The following RBMS2 variants were observed in gnomAD, a reference collection of about 807,000 sequenced individuals.
RBMS2 encodes the protein RNA binding motif single stranded interacting protein 2, also known as RNA-binding motif, single-stranded-interacting protein 2.
RBMS2 carries 38 observed loss-of-function variants against 58.4 expected under a neutral mutation model. The ratio of observed to expected loss-of-function variants is 0.65; its 90% CI spans 0.50 to 0.85. RBMS2 has a LOEUF of 0.85. Among genes scored for constraint, RBMS2 ranks in the 40% least tolerant of loss-of-function variants. The pLI, the probability that RBMS2 is intolerant of heterozygous loss-of-function variation, is 0.00. For missense variants in RBMS2, 367 were observed against 503.7 expected (o/e 0.73, Z 2.60); for synonymous variants, 151 against 180.7 (o/e 0.84, Z 1.32).
chr12:56,579,120 A>G (rs1883547069), intron 5 of RBMS2, among the ~76,000 whole-genome samples: 1 of 152,172 alleles, frequency 6.6e-6, no homozygotes, highest in South Asian at 2.1e-4. Context: ...AGCTATTGTA[A>G]GAGGGGACTT....
chr12:56,559,241 A>G (rs1415740079), intron 1 of RBMS2, among the ~76,000 whole-genome samples: 5 of 151,792 alleles, frequency 3.3e-5, no homozygotes, highest in Admixed American at 1.3e-4. Context: ...GTGCAGTGGC[A>G]CAATCTCGGC....
At chr12:56,557,096 G>A (rs1045461459) in intron 1 of RBMS2, among the ~76,000 whole-genome samples, 10 of 152,120 alleles carry the variant, frequency 6.6e-5, no homozygotes, top group Non-Finnish European at 1.2e-4. Context: ...TCTTGTTGAA[G>A]AATTAGAACT....
chr12:56,571,057 C>T (rs1214763117), intron 4 of RBMS2, among the ~76,000 whole-genome samples: 2 of 152,232 alleles, frequency 1.3e-5, no homozygotes, highest in East Asian at 1.9e-4. Context: ...CTTAAAAATA[C>T]AACTATTGGA....
intron 7 of RBMS2, 134 bp from the exon 8 acceptor site, chr12:56,581,699 C>T (rs1263585452): frequency 3.1e-5 from 38 of 1,212,848 alleles, no homozygotes; most frequent in Non-Finnish European, 4.5e-5. Flanking sequence ...TAGAAAAACT[C>T]TGAAACAGCT....
intron 1 of RBMS2, 30 bp from the exon 2 acceptor site, chr12:56,562,387 C>T: frequency 1.3e-6 from 2 of 1,568,276 alleles, no homozygotes; most frequent in Non-Finnish European, 1.8e-6. Context: ...ATGGATAATC[C>T]TTCTACCTCT....
intron 1 of RBMS2, among the ~76,000 whole-genome samples, chr12:56,526,730 T>C (rs546311178): frequency 2.7e-5 from 4 of 150,164 alleles, no homozygotes; most frequent in Non-Finnish European, 5.9e-5. Context: ...TTCTTCAATG[T>C]TTGAAGAAGT....
At chr12:56,538,821 G>A (rs1045572539) in intron 1 of RBMS2, among the ~76,000 whole-genome samples, 7 of 152,052 alleles carry the variant, frequency 4.6e-5, no homozygotes, top group African/African-American at 1.7e-4. Flanking sequence ...CCATGAGCAT[G>A]GAGTGTCTTT....
At chr12:56,588,840 C>T in intron 12 of RBMS2, 92 bp from the exon 13 acceptor site, 1 of 1,204,818 alleles carries the variant, frequency 8.3e-7, no homozygotes. Flanking sequence ...TTTGGGAGGG[C>T]ACTCGATGTA....
intron 1 of RBMS2, among the ~76,000 whole-genome samples, chr12:56,535,155 C>G (rs1565731119): frequency 6.6e-6 from 1 of 152,110 alleles, no homozygotes. Context: ...CCCCAGGACT[C>G]AGTCCTTGAG....
chr12:56,524,075 C>T (rs1352990713), intron 1 of RBMS2, among the ~76,000 whole-genome samples: 1 of 152,070 alleles, frequency 6.6e-6, no homozygotes, highest in Admixed American at 6.6e-5. Flanking sequence ...ATCTAAAAAT[C>T]TCTTTTTGCT....
chr12:56,522,338 C>A (rs1871859373), intron 1 of RBMS2, among the ~76,000 whole-genome samples: 1 of 152,088 alleles, frequency 6.6e-6, no homozygotes, highest in Non-Finnish European at 1.5e-5. Flanking sequence ...ATCAAGCTTG[C>A]AAGTTTGTAT....
rs756998617 is a variant in RBMS2 at position 56,590,645 on chromosome 12, G to A, written c.*1512G>A. Reference sequence around the variant, plus strand: ...AACTGTTGGGGAAGGACTGGACTGGGATCCTTGAATTCTCCCCAGACTTTG... The same window carrying A: ...AACTGTTGGGGAAGGACTGGACTGGAATCCTTGAATTCTCCCCAGACTTTG... On this transcript the variant is annotated 3_prime_UTR_variant, in exon 14 of 14. Transcript: ENST00000262031. The A allele has an allele frequency of 2.6e-5, 4 of 152,192 alleles. No homozygotes were observed. Among genetic ancestry groups the A allele is most frequent in the Non-Finnish European group, 5.9e-5 (4 of 68,040 alleles). 9.4% of individuals were successfully genotyped at this position (152,192 alleles called of 1,614,324 possible).
chr12:56,538,085 T>G lies in RBMS2; in HGVS notation c.66+15996T>G, dbSNP rs552512282. Among the ~76,000 whole-genome samples the G allele has an allele frequency of 1.7e-3, 253 of 152,172 alleles. 1 individual carries two copies. Among genetic ancestry groups the G allele is most frequent in the African/African-American group, 5.9e-3 (247 of 41,520 alleles). On this transcript the variant is annotated intron_variant, in intron 1 of 13. Coordinates refer to ENST00000262031, the MANE Select transcript of RBMS2 (RefSeq NM_002898.4). ...TTTGCTCTTTTTGCCCAGGCTGGAGTGCAATGGCATGATCTCGGCTCATTG... is the reference window on the plus strand; with the variant it reads ...TTTGCTCTTTTTGCCCAGGCTGGAGGGCAATGGCATGATCTCGGCTCATTG...
chr12:56,568,302 TC>T (rs1326530087), intron 2 of RBMS2, among the ~76,000 whole-genome samples: 1 of 152,210 alleles, frequency 6.6e-6, no homozygotes, highest in African/African-American at 2.4e-5. Flanking sequence ...TTCTTTTTAG[TC>T]CTCAGGGAAT....
At chr12:56,521,502 G>GTTTTTTTTTTTT (rs68129205), upstream of RBMS2, among the ~76,000 whole-genome samples, 29 of 73,156 alleles carry the variant, frequency 4.0e-4, 4 homozygotes, top group African/African-American at 1.3e-3. Flanking sequence ...CTCTAACTCT[G>GTTTTTTTTTTTT]TTTTTTTTTT....
intron 5 of RBMS2, among the ~76,000 whole-genome samples, chr12:56,575,664 G>A (rs1376940603): frequency 3.9e-5 from 6 of 152,050 alleles, no homozygotes; most frequent in Non-Finnish European, 7.4e-5. Context: ...GGAAGCCAAG[G>A]CAGGCAGATC....
rs1885806799 is a variant in RBMS2, at chr12:56,596,171, T to TTGCTGTAAAAGGAACACAGA, written c.*7039_*7058dup. 1 of 152,734 alleles carries TTGCTGTAAAAGGAACACAGA rather than the reference T, an allele frequency of 6.5e-6. No homozygotes were observed. The highest frequency in any genetic ancestry group is 2.4e-5 in the African/African-American group (1 of 41,476). The allele number at this position is 152,734 out of a possible 1,614,324, so 9.5% of individuals were successfully genotyped here. ...CATTTGGTTATATAAAAAGTCCCTT[T>TTGCTGTAAAAGGAACACAGA]TGCTGTAAAAGGAACACAGAAACTT... is the stretch of plus-strand genomic sequence containing the variant. On this transcript the variant is annotated 3_prime_UTR_variant, in exon 14 of 14. Coordinates refer to ENST00000262031, the MANE Select transcript of RBMS2 (RefSeq NM_002898.4).
At chr12:56,576,484 G>C (rs989854166) in intron 5 of RBMS2, among the ~76,000 whole-genome samples, 1 of 152,092 alleles carries the variant, frequency 6.6e-6, no homozygotes, top group African/African-American at 2.4e-5. Flanking sequence ...TCTAGGGTTT[G>C]GTACTATCCA....
At chr12:56,534,772 GC>G (rs775462214) in intron 1 of RBMS2, among the ~76,000 whole-genome samples, 2 of 152,110 alleles carry the variant, frequency 1.3e-5, no homozygotes, top group East Asian at 3.9e-4. Flanking sequence ...CTCCCGAATA[GC>G]AGGGACTACA....
Sources: gnomAD v4.1 joint callset for allele counts (sites outside exome capture counted in the v4.1 genomes callset) on GRCh38, gnomAD v4.1.1 for gene constraint, MANE v1.5 for transcripts, NCBI Gene and HGNC (gene_info 2026-07-23, HGNC 2026-07-21) for gene names.